The following SLC9C2 variants were observed in gnomAD, a reference collection of about 807,000 sequenced individuals.
SLC9C2 encodes solute carrier family 9 member C2 (putative), also known as sodium/hydrogen exchanger 11.
Under a neutral mutation model 140.2 loss-of-function variants are expected in SLC9C2, and 75 were observed. The ratio of observed to expected loss-of-function variants is 0.53; its 90% CI spans 0.44 to 0.65. The LOEUF (loss-of-function observed/expected upper bound fraction) is 0.65. Among genes scored for constraint, SLC9C2 ranks in the 30% least tolerant of loss-of-function variants. SLC9C2 has a pLI of 0.00. For missense variants in SLC9C2, 1,074 were observed against 1,331.8 expected (o/e 0.81, Z 3.01); for synonymous variants, 375 against 420.9 (o/e 0.89, Z 1.34).
Position 173,526,022 on chromosome 1 carries a change from G to A in SLC9C2, c.2365+641C>T, listed in dbSNP as rs75365654. On this transcript the variant is annotated intron_variant, in intron 19 of 27. Transcript: ENST00000367714. ...ACAATGTGGTCATGAATATGAAATG[G>A]TTTTACTTTATTTTCTTTTCTGATA... Among the ~76,000 whole-genome samples the A allele has an allele frequency of 5.7e-3, 861 of 152,226 alleles. 4 individuals are homozygous for A. Among genetic ancestry groups the A allele is most frequent in the Non-Finnish European group, 7.7e-3 (524 of 68,004 alleles).
Position 173,573,238 on chromosome 1 carries a change from A to C in SLC9C2, c.990T>G (p.Tyr330Ter). 3 of 1,585,826 alleles carry C rather than the reference A, an allele frequency of 1.9e-6. No homozygotes were observed. Among genetic ancestry groups the C allele is most frequent in the Non-Finnish European group, 2.6e-6 (3 of 1,155,384 alleles). Reference protein sequence around the residue: ...IVIGCGELSHYEFHTIPFIFI... With the variant: ...IVIGCGELSH ...ATATGAAAGGTATAGTGTGAAATTC[A>C]TAGTGGCTGAGTTCTCCACATCCAA... is the stretch of plus-strand genomic sequence containing the variant. The change falls in exon 9 of 28, where the codon TAT becomes TAG. Residue 330 changes from tyrosine to a stop codon, truncating the protein, a stop_gained. Transcript: ENST00000367714. LOFTEE classifies it high-confidence loss of function.
chr1:173,587,620 AC>A (rs776560308), intron 5 of SLC9C2, 44 bp downstream of exon 5: 2 of 1,491,118 alleles, frequency 1.3e-6, no homozygotes, highest in East Asian at 2.3e-5. Flanking sequence ...AAAATAATGT[AC>A]CCTTATATTT....
rs925271793 is a variant in SLC9C2 at position 173,554,866 on chromosome 1, C to G, written c.1216-52G>C. The G allele has an allele frequency of 3.8e-6, 4 of 1,052,370 alleles. 1 individual carries two copies. Among genetic ancestry groups the G allele is most frequent in the Admixed American group, 2.0e-5 (1 of 49,878 alleles). 65.2% of individuals were successfully genotyped at this position (1,052,370 alleles called of 1,614,324 possible). A position where few individuals can be genotyped will look rare whatever the true frequency, so the allele number is the denominator to read the frequency against. Reference sequence around the variant, plus strand: ...GAACCAAAACATTAAATAAGTTCTCCAAAAGCAATCATTGTTCAATTAGCC... The same window carrying G: ...GAACCAAAACATTAAATAAGTTCTCGAAAAGCAATCATTGTTCAATTAGCC... On this transcript the variant is annotated intron_variant, in intron 10 of 27. Transcript: ENST00000367714.
chr1:173,563,466 G>A (rs1664249852), intron 9 of SLC9C2, among the ~76,000 whole-genome samples: 1 of 152,050 alleles, frequency 6.6e-6, no homozygotes, highest in South Asian at 2.1e-4. Flanking sequence ...GGAAGAGAAG[G>A]CCAATCTAGT....
intron 22 of SLC9C2, 42 bp downstream of exon 22, chr1:173,521,259 C>T: frequency 1.9e-6 from 2 of 1,060,106 alleles, no homozygotes; most frequent in Non-Finnish European, 1.3e-6. Flanking sequence ...TTTCAAAATA[C>T]ATTTTAAGTA....
At position 173,511,965 on chromosome 1, in the gene SLC9C2, T is replaced by C. The variant is rs561784642; in HGVS notation, c.2908-2266A>G. On this transcript the variant is annotated intron_variant, in intron 23 of 27. Transcript: ENST00000367714. ...TTGTCGAAGATGAGGTAGTTGTATATGTGTAGGGTTATTTCTGAGGCCTCT... is the reference window on the plus strand; with the variant it reads ...TTGTCGAAGATGAGGTAGTTGTATACGTGTAGGGTTATTTCTGAGGCCTCT... 2.2e-4 allele frequency among the ~76,000 whole-genome samples: 33 copies of C among 152,304 alleles called. 1 individual carries two copies. In the South Asian group the frequency reaches 6.8e-3, roughly 32 times the overall value.
intron 7 of SLC9C2, 79 bp downstream of exon 7, chr1:173,581,768 G>A (rs1665549819): frequency 8.1e-7 from 1 of 1,234,544 alleles, no homozygotes; most frequent in African/African-American, 1.5e-5. Flanking sequence ...AGAAGCAACT[G>A]GATTCAAGAT....
chr1:173,522,976 C>G (rs1001822411), intron 21 of SLC9C2, among the ~76,000 whole-genome samples: 4 of 152,152 alleles, frequency 2.6e-5, no homozygotes, highest in African/African-American at 7.2e-5. Flanking sequence ...CCTTTTCTCC[C>G]CTTATTTTTC....
intron 9 of SLC9C2, among the ~76,000 whole-genome samples, chr1:173,572,924 GGT>G (rs1479984286): frequency 2.0e-5 from 3 of 152,200 alleles, no homozygotes; most frequent in Non-Finnish European, 4.4e-5. Context: ...TGATTCAGTA[GGT>G]TGAGATGGGC....
intron 9 of SLC9C2, among the ~76,000 whole-genome samples, chr1:173,560,460 A>G (rs1481078844): frequency 1.3e-5 from 2 of 152,230 alleles, no homozygotes; most frequent in Non-Finnish European, 2.9e-5. Context: ...TGCATTATGC[A>G]GAGATACAAA....
chr1:173,581,812 A>C lies in SLC9C2; in HGVS notation c.802+35T>G, dbSNP rs768837527. 2.7e-6 allele frequency: 4 copies of C among 1,470,378 alleles called. No homozygotes were observed. The African/African-American group carries it at 5.7e-5, about 21-fold the overall frequency. The allele number at this position is 1,470,378 out of a possible 1,614,324, so 91.1% of individuals were successfully genotyped here. On this transcript the variant is annotated intron_variant, in intron 7 of 27. Coordinates refer to ENST00000367714, the MANE Select transcript of SLC9C2 (RefSeq NM_178527.4). Reference sequence around the variant, plus strand: ...AATAAACATGTATAAAACTTACTTTAAGGACAGTAATTTTTGTATTTATTT... The same window carrying C: ...AATAAACATGTATAAAACTTACTTTCAGGACAGTAATTTTTGTATTTATTT...
chr1:173,509,820 G>A, intron 23 of SLC9C2, 121 bp from the exon 24 acceptor site: 1 of 979,750 alleles, frequency 1.0e-6, no homozygotes, highest in Non-Finnish European at 1.5e-6. Flanking sequence ...GCATAATTAT[G>A]ATACTCTTGT....
chr1:173,515,538 T>G (rs1015852638), intron 23 of SLC9C2, among the ~76,000 whole-genome samples: 4 of 152,184 alleles, frequency 2.6e-5, no homozygotes, highest in Non-Finnish European at 5.9e-5. Context: ...TCTAAACTAG[T>G]TATTCTAGTT....
chr1:173,586,780 C>T (rs1027391297), intron 5 of SLC9C2, among the ~76,000 whole-genome samples: 2 of 152,068 alleles, frequency 1.3e-5, no homozygotes, highest in Non-Finnish European at 2.9e-5. Flanking sequence ...AACACAGGAA[C>T]AGAAAACCAA....
chr1:173,569,691 GCTGA>G (rs1415122974), intron 9 of SLC9C2, among the ~76,000 whole-genome samples: 5 of 151,718 alleles, frequency 3.3e-5, no homozygotes, highest in Non-Finnish European at 7.4e-5. Context: ...CTGTCTTCAA[GCTGA>G]CTAATTCTTT....
In SLC9C2 at chr1:173,534,815, T is replaced by C. The variant is rs1468056682; in HGVS notation, c.1776-133A>G. ...AATATAAAATAATAGTAAGCAAAAA[T>C]CAAAAGCATATTTTCTATACATAAA... On this transcript the variant is annotated intron_variant, in intron 15 of 27. Coordinates refer to ENST00000367714, the MANE Select transcript of SLC9C2 (RefSeq NM_178527.4). 7.5e-5 allele frequency: 54 copies of C among 719,700 alleles called. No homozygotes were observed. In the East Asian group the frequency reaches 2.3e-3, roughly 31 times the overall value. The allele number at this position is 719,700 out of a possible 1,614,324, so 44.6% of individuals were successfully genotyped here.
intron 12 of SLC9C2, 80 bp from the exon 13 acceptor site, chr1:173,547,864 A>G (rs1662969201): frequency 2.1e-6 from 2 of 944,578 alleles, no homozygotes; most frequent in Non-Finnish European, 3.3e-6. Flanking sequence ...ACTGGCAAAT[A>G]CTACTCTCAA....
chr1:173,572,502 T>C (rs778542589), intron 9 of SLC9C2, among the ~76,000 whole-genome samples: 3 of 152,196 alleles, frequency 2.0e-5, no homozygotes, highest in Non-Finnish European at 4.4e-5. Context: ...TTGGAGACAT[T>C]GCCATAAATT....
intron 13 of SLC9C2, among the ~76,000 whole-genome samples, chr1:173,545,947 T>C (rs1249919609): frequency 1.3e-5 from 2 of 152,160 alleles, no homozygotes; most frequent in Non-Finnish European, 2.9e-5. Context: ...CATGGCAGTC[T>C]CAGGGTGGCA....
Sources: allele counts gnomAD v4.1 joint callset (sites outside exome capture counted in the v4.1 genomes callset), GRCh38; gene constraint gnomAD v4.1.1; transcripts MANE v1.5; gene names NCBI Gene and HGNC (gene_info 2026-07-23, HGNC 2026-07-21).